SEL1L3: variants seen among roughly 807,000 people sequenced by gnomAD.
The protein encoded by SEL1L3 is protein sel-1 homolog 3.
A neutral mutation model predicts 142.8 loss-of-function variants in SEL1L3; 76 were observed. The ratio of observed to expected loss-of-function variants is 0.53; its 90% CI spans 0.44 to 0.64. The LOEUF (loss-of-function observed/expected upper bound fraction) is 0.64, where lower values mean the gene tolerates loss of function less well. Among genes scored for constraint, SEL1L3 ranks in the 30% least tolerant of loss-of-function variants. SEL1L3 has a pLI of 0.00. For synonymous variants in SEL1L3, 504 were observed against 519.6 expected (o/e 0.97, Z 0.41); for missense variants, 1,262 against 1,381.7 (o/e 0.91, Z 1.37).
chr4:25,809,231 C>T (rs754044503), intron 9 of SEL1L3, among the ~76,000 whole-genome samples: 13 of 151,706 alleles, frequency 8.6e-5, no homozygotes, highest in Non-Finnish European at 1.5e-4. Flanking sequence ...GCAACCTCCA[C>T]CTCCCAGGTT....
chr4:25,780,768 T>C (rs1351834932), intron 15 of SEL1L3, among the ~76,000 whole-genome samples: 1 of 146,426 alleles, frequency 6.8e-6, no homozygotes, highest in African/African-American at 2.5e-5. Context: ...AAACTATATA[T>C]AAATAAAAAA....
chr4:25,752,859 G>C (rs1409609987), intron 23 of SEL1L3, among the ~76,000 whole-genome samples: 1 of 152,246 alleles, frequency 6.6e-6, no homozygotes, highest in Non-Finnish European at 1.5e-5. Context: ...GATCTTAGGT[G>C]ATCTGCCTGC....
Position 25,847,804 on chromosome 4 carries a change from C to T in SEL1L3, c.223G>A (p.Glu75Lys), listed in dbSNP as rs1716633388. 2.5e-6 allele frequency: 4 copies of T among 1,611,962 alleles called. No individual in the cohort carries two copies. Among genetic ancestry groups the T allele is most frequent in the Non-Finnish European group, 2.5e-6 (3 of 1,179,036 alleles). ...SLTTSVIPKA[E>K]QSVAYKDFIY... is the part of the protein sequence containing the mutation. Reference sequence around the variant, plus strand: ...AAGTCTTTGTAAGCCACGCTCTGCTCAGCTTTGGGTATCACTGATGTCGTC... The same window carrying T: ...AAGTCTTTGTAAGCCACGCTCTGCTTAGCTTTGGGTATCACTGATGTCGTC... Residue 75 changes from glutamate (E) to lysine (K), a missense_variant, in exon 2 of 24, where the codon GAG (glutamate) becomes AAG (lysine). This residue lies in a region of SEL1L3 where 689 missense variants were observed against 692.8 expected (regional missense o/e 0.99). Transcript: ENST00000399878.
chr4:25,793,226 G>A (rs1006316630), intron 11 of SEL1L3, among the ~76,000 whole-genome samples: 20 of 152,262 alleles, frequency 1.3e-4, no homozygotes, highest in Admixed American at 4.6e-4. Flanking sequence ...CCTTACCATC[G>A]TGAGAAGTAC....
At chr4:25,845,127 A>C (rs915247910) in intron 2 of SEL1L3, among the ~76,000 whole-genome samples, 2 of 152,196 alleles carry the variant, frequency 1.3e-5, no homozygotes, top group Non-Finnish European at 2.9e-5. Flanking sequence ...TACTTCCCCA[A>C]TTTTGATTTT....
intron 11 of SEL1L3, among the ~76,000 whole-genome samples, chr4:25,799,228 C>T (rs192409515): frequency 1.7e-3 from 260 of 152,200 alleles, no homozygotes; most frequent in African/African-American, 6.0e-3. Context: ...ATGCGCACCA[C>T]CATGCCTGGC....
intron 1 of SEL1L3, among the ~76,000 whole-genome samples, chr4:25,849,768 A>G (rs1266664366): frequency 6.6e-6 from 1 of 152,032 alleles, no homozygotes; most frequent in Non-Finnish European, 1.5e-5. Flanking sequence ...CCTTTTTTCA[A>G]TTCTGACTTA....
the SEL1L3 span, chr4:25,718,071 T>G: frequency 1.3e-5 from 2 of 152,150 alleles, no homozygotes; most frequent in African/African-American, 4.8e-5. Flanking sequence ...GGTTGAACTA[T>G]AGCTACAGCA....
chr4:25,714,309 G>A, the SEL1L3 span, among the ~76,000 whole-genome samples: 1 of 152,090 alleles, frequency 6.6e-6, no homozygotes, highest in Non-Finnish European at 1.5e-5. Flanking sequence ...AGGTTACTAA[G>A]CACTGGAATG....
rs11930065 is a variant in SEL1L3, at chr4:25,788,594, G to A, written c.2077-230C>T. Among the ~76,000 whole-genome samples, 2,807 of 150,766 alleles carry A rather than the reference G, an allele frequency of 0.019. 84 individuals carry two copies. The highest frequency in any genetic ancestry group is 0.06 in the African/African-American group (2,471 of 40,990). ...CGTGTGTGTGTGTGTGTGTGTGTGTGTGTGTGTGTGTGTGTGTGTGTGTGT... is the reference window on the plus strand; with the variant it reads ...CGTGTGTGTGTGTGTGTGTGTGTGTATGTGTGTGTGTGTGTGTGTGTGTGT... On this transcript the variant is annotated intron_variant, in intron 12 of 23. Coordinates refer to ENST00000399878, the MANE Select transcript of SEL1L3 (RefSeq NM_015187.5). This position sits in a 1 kb window ranked among gnomAD's most constrained non-coding sequence, Gnocchi z 5.3.
At position 25,830,091 on chromosome 4, in the gene SEL1L3, C is replaced by T; in HGVS notation, c.1157+7G>A. 2 of 1,600,590 alleles carry T rather than the reference C, an allele frequency of 1.2e-6. No homozygotes were observed. Among genetic ancestry groups the T allele is most frequent in the Non-Finnish European group, 1.7e-6 (2 of 1,168,272 alleles). On this transcript the variant is annotated splice_region_variant and intron_variant, in intron 6 of 23. Coordinates refer to ENST00000399878, the MANE Select transcript of SEL1L3 (RefSeq NM_015187.5). ...AAATTTTGAATAAAAAGAAAAATCG[C>T]ACTTACCTAATGGTCTGATTGTGGT...
rs1358783325 is a variant in SEL1L3, at chr4:25,767,571, C to G, written c.2799G>C (p.Trp933Cys). The G allele has an allele frequency of 6.2e-7, 1 of 1,602,156 alleles. No individual in the cohort carries two copies. The highest frequency in any genetic ancestry group is 8.5e-7 in the Non-Finnish European group (1 of 1,172,320). ...GAAAAACAGAGAAATTATAGTATCTCCAAACACAGTTAACACCCAAGTATC... is the reference window on the plus strand; with the variant it reads ...GAAAAACAGAGAAATTATAGTATCTGCAAACACAGTTAACACCCAAGTATC... The part of the protein sequence containing the change: ...ARRYLGVNCV[W>C]RYYNFSVFQI... The change falls in exon 19 of 24, where the codon TGG (tryptophan) becomes TGC (cysteine). Residue 933 changes from tryptophan to cysteine, a missense_variant. Coordinates refer to ENST00000399878, the MANE Select transcript of SEL1L3 (RefSeq NM_015187.5).
chr4:25,758,961 A>G lies in SEL1L3; in HGVS notation c.3063T>C (p.Ile1021=), dbSNP rs1313331697. 6 of 1,613,714 alleles carry G rather than the reference A, an allele frequency of 3.7e-6. No individual in the cohort carries two copies. Residue 1021 remains isoleucine, a synonymous_variant, in exon 21 of 24, where the codon ATT becomes ATC. Transcript: ENST00000399878. ...DSTLHSNNIS[I]LQELYERCWS... Reference sequence around the variant, plus strand: ...CTCACCTTTCGTACAGTTCCTGGAGAATGGAGATGTTATTAGAATGGAGAG... The same window carrying G: ...CTCACCTTTCGTACAGTTCCTGGAGGATGGAGATGTTATTAGAATGGAGAG...
intron 15 of SEL1L3, among the ~76,000 whole-genome samples, chr4:25,781,499 G>A (rs1226045516): frequency 2.0e-5 from 3 of 152,212 alleles, no homozygotes; most frequent in African/African-American, 7.2e-5. Context: ...TTAACCAGGC[G>A]TGGTGGTGCA....
downstream of SEL1L3, among the ~76,000 whole-genome samples, chr4:25,746,230 A>C (rs1717256649): frequency 6.6e-6 from 1 of 152,038 alleles, no homozygotes; most frequent in Non-Finnish European, 1.5e-5. Context: ...AAAAAAGCAT[A>C]TAATAGGCCA....
chr4:25,822,094 C>A lies in SEL1L3; in HGVS notation c.1192G>T (p.Gly398Trp). The change falls in exon 7 of 24, where the codon GGG becomes TGG. Residue 398 changes from glycine (G) to tryptophan (W), a missense_variant. Gly to Trp is a radical substitution (Grantham distance 184). This residue lies in a region of SEL1L3 where 689 missense variants were observed against 692.8 expected (regional missense o/e 0.99). Coordinates refer to ENST00000399878, the MANE Select transcript of SEL1L3 (RefSeq NM_015187.5). ...CTGCTCCCTCCAATAATGAAGTACC[C>A]AGCTGTGTCATTATAATGGAAATCC... Reference protein sequence around the residue: ...REDFHYNDTAGYFIIGGSRYV... With the variant: ...REDFHYNDTAWYFIIGGSRYV... 1 of 1,613,860 alleles carries A rather than the reference C, an allele frequency of 6.2e-7. No homozygotes were observed. The highest frequency in any genetic ancestry group is 8.5e-7 in the Non-Finnish European group (1 of 1,179,802).
At chr4:25,838,383 A>T (rs1484829729) in intron 2 of SEL1L3, among the ~76,000 whole-genome samples, 1 of 152,202 alleles carries the variant, frequency 6.6e-6, no homozygotes, top group Non-Finnish European at 1.5e-5. Context: ...GAGGCAACAG[A>T]TATTATATGG....
intron 2 of SEL1L3, among the ~76,000 whole-genome samples, chr4:25,841,082 G>A (rs577294416): frequency 6.6e-5 from 10 of 151,228 alleles, no homozygotes; most frequent in African/African-American, 2.4e-4. Flanking sequence ...ACCCAGGCTG[G>A]AGTGCAGTGG....
downstream of SEL1L3, among the ~76,000 whole-genome samples, chr4:25,743,386 C>A (rs1717173059): frequency 6.6e-6 from 1 of 152,146 alleles, no homozygotes; most frequent in African/African-American, 2.4e-5. Context: ...CCTCTGTTAA[C>A]CCAAAATATC....
Sources: gnomAD v4.1 joint callset for allele counts (sites outside exome capture counted in the v4.1 genomes callset) on GRCh38, gnomAD v4.1.1 for gene constraint, gnomAD v4.1.1 regional missense constraint, Gnocchi (gnomAD v3.1) non-coding constraint, MANE v1.5 for transcripts, NCBI Gene and HGNC (gene_info 2026-07-23, HGNC 2026-07-21) for gene names.